The following TMEM163 variants were observed in gnomAD, a reference collection of about 807,000 sequenced individuals.
The protein encoded by TMEM163 is transmembrane protein 163.
TMEM163 carries 17 observed loss-of-function variants against 29.3 expected under a neutral mutation model. That is an observed-to-expected ratio of 0.58 (90% CI 0.40 to 0.87). The LOEUF is 0.87. Among genes scored for constraint, TMEM163 ranks in the 40% least tolerant of loss-of-function variants. The pLI is 0.00. For missense variants in TMEM163, 303 were observed against 381.5 expected, an observed-to-expected ratio of 0.79 and a Z score of 1.71; for synonymous variants, 157 against 160.6, an observed-to-expected ratio of 0.98 and a Z score of 0.17.
chr2:134,681,392 C>T (rs1323223381), intron 2 of TMEM163, among the ~76,000 whole-genome samples: 2 of 152,198 alleles, frequency 1.3e-5, no homozygotes, highest in Admixed American at 1.3e-4. Flanking sequence ...ACACAAACCG[C>T]ATTCCAGTGT....
At chr2:134,560,859 T>C (rs557240703) in intron 2 of TMEM163, among the ~76,000 whole-genome samples, 27 of 152,290 alleles carry the variant, frequency 1.8e-4, no homozygotes, top group African/African-American at 6.3e-4. Context: ...TCCTGGGACA[T>C]GGGCAGGATG....
intron 2 of TMEM163, among the ~76,000 whole-genome samples, chr2:134,682,528 A>T (rs1203469986): frequency 6.6e-6 from 1 of 152,232 alleles, no homozygotes; most frequent in Non-Finnish European, 1.5e-5. Flanking sequence ...ACAGGCTAAG[A>T]GCGTGAAGAG....
intron 2 of TMEM163, among the ~76,000 whole-genome samples, chr2:134,682,100 C>A (rs1437733390): frequency 1.3e-5 from 2 of 152,192 alleles, no homozygotes; most frequent in Admixed American, 1.3e-4. Context: ...ACCTACAGAG[C>A]ACAGAAAATG....
At chr2:134,648,809 C>G (rs1194186339) in intron 2 of TMEM163, among the ~76,000 whole-genome samples, 1 of 152,160 alleles carries the variant, frequency 6.6e-6, no homozygotes, top group Non-Finnish European at 1.5e-5. Context: ...CAGTATTAAA[C>G]TGTAATATTT....
intron 4 of TMEM163, among the ~76,000 whole-genome samples, chr2:134,505,898 A>G (rs942827207): frequency 6.6e-6 from 1 of 152,218 alleles, no homozygotes; most frequent in African/African-American, 2.4e-5. Context: ...CAAAAACTAC[A>G]TAGCATGTAG....
At chr2:134,541,724 ATC>A (rs529389055) in intron 4 of TMEM163, among the ~76,000 whole-genome samples, 194 of 152,290 alleles carry the variant, frequency 1.3e-3, no homozygotes, top group Admixed American at 3.6e-3. Flanking sequence ...TACGTAGATC[ATC>A]TCTGTTTTAA....
intron 2 of TMEM163, among the ~76,000 whole-genome samples, chr2:134,567,276 T>A (rs1455941640): frequency 6.6e-6 from 1 of 152,220 alleles, no homozygotes; most frequent in African/African-American, 2.4e-5. Context: ...TAAATGGGAT[T>A]TGGCCAAAAA....
chr2:134,565,933 T>C (rs1017724746), intron 2 of TMEM163, among the ~76,000 whole-genome samples: 19 of 152,164 alleles, frequency 1.2e-4, no homozygotes, highest in Non-Finnish European at 2.1e-4. Flanking sequence ...GGTGGTCACC[T>C]CCAGGGCAGG....
chr2:134,711,444 A>T (rs1573556076), intron 2 of TMEM163, among the ~76,000 whole-genome samples: 1 of 152,256 alleles, frequency 6.6e-6, no homozygotes, highest in South Asian at 2.1e-4. Flanking sequence ...TGTACTATAG[A>T]TAACACAAAT....
At chr2:134,530,293 A>G (rs1457518748) in intron 4 of TMEM163, among the ~76,000 whole-genome samples, 2 of 152,140 alleles carry the variant, frequency 1.3e-5, no homozygotes, top group African/African-American at 4.8e-5. Flanking sequence ...ATACATTGAG[A>G]CACGGTCTCA....
intron 2 of TMEM163, among the ~76,000 whole-genome samples, chr2:134,623,987 G>A (rs1224249971): frequency 2.0e-5 from 3 of 152,190 alleles, no homozygotes; most frequent in Non-Finnish European, 4.4e-5. Flanking sequence ...TCTCACCAGT[G>A]AAGCCACAGA....
intron 2 of TMEM163, among the ~76,000 whole-genome samples, chr2:134,585,741 C>CCA (rs1681808975): frequency 1.4e-5 from 2 of 141,734 alleles, no homozygotes; most frequent in Admixed American, 1.4e-4. Flanking sequence ...GACTCCGTCT[C>CCA]AAAAAAAAAA....
At chr2:134,691,510 A>G (rs992769725) in intron 2 of TMEM163, among the ~76,000 whole-genome samples, 11 of 152,230 alleles carry the variant, frequency 7.2e-5, no homozygotes, top group Non-Finnish European at 1.6e-4. Flanking sequence ...TGTATTTCCA[A>G]ACAACTCTAT....
At chr2:134,534,650 A>G (rs1202514087) in intron 4 of TMEM163, among the ~76,000 whole-genome samples, 2 of 152,138 alleles carry the variant, frequency 1.3e-5, no homozygotes, top group African/African-American at 4.8e-5. Flanking sequence ...GCTGCTTGGG[A>G]GGCTGAGGCA....
At chr2:134,610,171 T>C (rs1682469740) in intron 2 of TMEM163, among the ~76,000 whole-genome samples, 1 of 151,850 alleles carries the variant, frequency 6.6e-6, no homozygotes, top group Non-Finnish European at 1.5e-5. Context: ...CCGTAAACAC[T>C]GGTGACCGGA....
At chr2:134,698,811 T>C (rs901677609) in intron 2 of TMEM163, among the ~76,000 whole-genome samples, 1 of 152,248 alleles carries the variant, frequency 6.6e-6, no homozygotes, top group Non-Finnish European at 1.5e-5. Context: ...AAATTATTAT[T>C]GCACTGTGGT....
chr2:134,663,512 G>C (rs1683802129), intron 2 of TMEM163, among the ~76,000 whole-genome samples: 1 of 152,248 alleles, frequency 6.6e-6, no homozygotes, highest in African/African-American at 2.4e-5. Context: ...TCTTGATAAA[G>C]ATGTCTAGGA....
chr2:134,618,126 G>GA (rs887895274), intron 2 of TMEM163, among the ~76,000 whole-genome samples: 2 of 151,010 alleles, frequency 1.3e-5, no homozygotes, highest in Admixed American at 6.6e-5. Context: ...AAAAAATAAT[G>GA]AAAAAAAAGG....
At chr2:134,516,758 G>GAAT (rs1680077338) in intron 4 of TMEM163, among the ~76,000 whole-genome samples, 1 of 66,840 alleles carries the variant, frequency 1.5e-5, no homozygotes, top group African/African-American at 8.0e-5. Context: ...TATATGAATA[G>GAAT]ATATATATGT....
Sources: allele counts gnomAD v4.1 joint callset (sites outside exome capture counted in the v4.1 genomes callset), GRCh38; gene constraint gnomAD v4.1.1; transcripts MANE v1.5; gene names NCBI Gene and HGNC (gene_info 2026-07-23, HGNC 2026-07-21).